Variants in AK8 observed in about 807,000 individuals in gnomAD.
AK8 encodes the protein adenylate kinase 8.
In AK8, 44 loss-of-function variants were observed where a neutral mutation model predicts 54.6. The ratio of observed to expected loss-of-function variants is 0.81; its 90% CI spans 0.63 to 1.04. The LOEUF (loss-of-function observed/expected upper bound fraction) is 1.04. AK8 is among the 50% of genes least tolerant of loss of function. The pLI is 0.00. For missense variants in AK8, 555 were observed against 613.6 expected (o/e 0.90, Z 1.01); for synonymous variants, 239 against 245.6 (o/e 0.97, Z 0.25).
intron 5 of AK8, among the ~76,000 whole-genome samples, chr9:132,852,769 C>CAAAAAAAAAAAAA (rs35786801): frequency 6.1e-5 from 1 of 16,424 alleles, no homozygotes; most frequent in African/African-American, 2.0e-4. Flanking sequence ...GATTAGGTCT[C>CAAAAAAAAAAAAA]AAAAAAAAAA....
chr9:132,818,748 C>T (rs967523258), intron 9 of AK8, among the ~76,000 whole-genome samples: 17 of 151,820 alleles, frequency 1.1e-4, no homozygotes, highest in East Asian at 7.7e-4. Context: ...AGTGGGAGGC[C>T]GAGGCGGGAG....
At chr9:132,874,479 T>C (rs1286077589) in intron 2 of AK8, 1 of 152,450 alleles carries the variant, frequency 6.6e-6, no homozygotes, top group Admixed American at 6.5e-5. Flanking sequence ...CTCCAAGACA[T>C]CGGTCCTCCC....
At chr9:132,834,524 G>A (rs996760475) in intron 5 of AK8, among the ~76,000 whole-genome samples, 7 of 152,146 alleles carry the variant, frequency 4.6e-5, no homozygotes, top group African/African-American at 1.7e-4. Context: ...AACACGGAAC[G>A]TTAGTATTCC....
chr9:132,863,516 A>G, intron 4 of AK8, 149 bp downstream of exon 4: 1 of 622,942 alleles, frequency 1.6e-6, no homozygotes, highest in Non-Finnish European at 2.8e-6. Flanking sequence ...CTTCCTTCAC[A>G]CCCTGCCTGT....
At chr9:132,802,341 C>T (rs1840499651) in intron 10 of AK8, among the ~76,000 whole-genome samples, 1 of 152,232 alleles carries the variant, frequency 6.6e-6, no homozygotes, top group African/African-American at 2.4e-5. Flanking sequence ...GGCGGTGTCT[C>T]AATCCCCTCC....
Position 132,857,147 on chromosome 9 carries a change from C to A in AK8, c.334-2222G>T, listed in dbSNP as rs796807545. On this transcript the variant is annotated intron_variant, in intron 4 of 12. Transcript: ENST00000298545. ...TCCTTATCCTACCGCCCCCTTCCCCCACCTTTCTTCCCTAAGCCAGTGGTT... is the reference window on the plus strand; with the variant it reads ...TCCTTATCCTACCGCCCCCTTCCCCAACCTTTCTTCCCTAAGCCAGTGGTT... Among the ~76,000 whole-genome samples the A allele has an allele frequency of 1.1e-4, 16 of 152,286 alleles. 1 individual carries two copies. The highest frequency in any genetic ancestry group is 3.9e-4 in the African/African-American group (16 of 41,556).
At chr9:132,749,115 C>T (rs1837787661) in intron 11 of AK8, among the ~76,000 whole-genome samples, 1 of 151,994 alleles carries the variant, frequency 6.6e-6, no homozygotes, top group African/African-American at 2.4e-5. Context: ...CTCAGGTGAT[C>T]TGCCCATCTT....
At chr9:132,727,692 T>C (rs1335181020) in intron 11 of AK8, 158 bp from the exon 12 acceptor site, 5 of 635,126 alleles carry the variant, frequency 7.9e-6, no homozygotes, top group African/African-American at 3.7e-5. Context: ...CTGCCTTTCA[T>C]GTACAACCCA....
chr9:132,788,124 A>G (rs1177917789), intron 11 of AK8, among the ~76,000 whole-genome samples: 1 of 152,146 alleles, frequency 6.6e-6, no homozygotes. Context: ...ATGTGGAAAT[A>G]ATTAACTAAT....
At chr9:132,767,947 G>A (rs962044819) in intron 11 of AK8, among the ~76,000 whole-genome samples, 3 of 152,174 alleles carry the variant, frequency 2.0e-5, no homozygotes, top group Non-Finnish European at 4.4e-5. Context: ...GTTACCAGAG[G>A]CTGGGAGGGG....
At chr9:132,789,538 A>C in intron 11 of AK8, among the ~76,000 whole-genome samples, 1 of 134,652 alleles carries the variant, frequency 7.4e-6, no homozygotes, top group South Asian at 2.6e-4. Context: ...CAGAGGTTGC[A>C]GTGAACAGAG....
At chr9:132,853,073 T>C (rs955172365) in intron 5 of AK8, among the ~76,000 whole-genome samples, 2 of 151,692 alleles carry the variant, frequency 1.3e-5, no homozygotes, top group Non-Finnish European at 2.9e-5. Flanking sequence ...AACCTAAAAA[T>C]AGGCCGGGCA....
At chr9:132,730,887 C>T (rs1590163297) in intron 11 of AK8, among the ~76,000 whole-genome samples, 1 of 152,162 alleles carries the variant, frequency 6.6e-6, no homozygotes, top group African/African-American at 2.4e-5. Flanking sequence ...AACCTGGCCT[C>T]GGGAAAGCCG....
At chr9:132,875,242 G>C in intron 1 of AK8, 43 bp from the exon 2 acceptor site, 1 of 1,609,218 alleles carries the variant, frequency 6.2e-7, no homozygotes, top group African/African-American at 1.3e-5. Context: ...ATACCTGCAA[G>C]GGCACCTGGT....
intron 11 of AK8, among the ~76,000 whole-genome samples, chr9:132,751,276 C>T (rs374022674): frequency 1.3e-5 from 2 of 149,702 alleles, no homozygotes; most frequent in East Asian, 3.9e-4. Flanking sequence ...CCCAGCTACT[C>T]AGGAGGCTGA....
chr9:132,741,853 C>T (rs1367639146), intron 11 of AK8, among the ~76,000 whole-genome samples: 1 of 152,182 alleles, frequency 6.6e-6, no homozygotes, highest in African/African-American at 2.4e-5. Flanking sequence ...GACTTTCTGT[C>T]TCTACGGATT....
chr9:132,857,553 T>A (rs1339620121), intron 4 of AK8, among the ~76,000 whole-genome samples: 1 of 151,940 alleles, frequency 6.6e-6, no homozygotes, highest in Non-Finnish European at 1.5e-5. Context: ...TCCCCTTTCA[T>A]CCTTTCCCAG....
rs1241252638 is a variant in AK8 at position 132,823,336 on chromosome 9, G to A, written c.758C>T (p.Ala253Val). The change falls in exon 9 of 13, where the codon GCT becomes GTT. Residue 253 changes from alanine (A) to valine (V), a missense_variant and splice_region_variant. Transcript: ENST00000298545. Reference protein sequence around the residue: ...DQPCVDVFYQALTYVQSNHRT... With the variant: ...DQPCVDVFYQVLTYVQSNHRT... ...ATGGTTGCTTTGGACATAGGTCAGA[G>A]CTGGAAAGAGAGGATATGAGGATAA... 5 of 1,613,924 alleles carry A rather than the reference G, an allele frequency of 3.1e-6. No individual in the cohort carries two copies. The highest frequency in any genetic ancestry group is 4.2e-6 in the Non-Finnish European group (5 of 1,179,884).
chr9:132,877,039 C>A (rs1844139132), intron 1 of AK8, among the ~76,000 whole-genome samples: 1 of 152,174 alleles, frequency 6.6e-6, no homozygotes, highest in Admixed American at 6.5e-5. Flanking sequence ...GCACTCCAGC[C>A]TGGGCAGCAG....
Sources: gnomAD v4.1 joint callset for allele counts (sites outside exome capture counted in the v4.1 genomes callset) on GRCh38, gnomAD v4.1.1 for gene constraint, MANE v1.5 for transcripts, NCBI Gene and HGNC (gene_info 2026-07-23, HGNC 2026-07-21) for gene names.